Variants in UGT1A7 observed in about 807,000 individuals in gnomAD.
The protein encoded by UGT1A7 is UDP glucuronosyltransferase family 1 member A7.
A neutral mutation model predicts 45.6 loss-of-function variants in UGT1A7; 33 were observed. The observed-to-expected ratio is 0.72, with a 90% CI of 0.55 to 0.97. UGT1A7 has a LOEUF of 0.97. Ranked by LOEUF, UGT1A7 falls within the 50% of genes least tolerant of loss-of-function variation. The pLI is 0.00. For missense variants in UGT1A7, 684 were observed against 666.2 expected, an observed-to-expected ratio of 1.03 and a Z score of -0.29; for synonymous variants, 274 against 250.6, an observed-to-expected ratio of 1.09 and a Z score of -0.88.
intron 1 of UGT1A7, among the ~76,000 whole-genome samples, chr2:233,724,154 G>A (rs1327662182): frequency 4.4e-3 from 337 of 76,566 alleles, no homozygotes; most frequent in Admixed American, 6.4e-3. Context: ...CTGGCCGGGT[G>A]GGGGGGCTGA....
chr2:233,715,540 GGGA>G, intron 1 of UGT1A7, among the ~76,000 whole-genome samples: 1 of 152,104 alleles, frequency 6.6e-6, no homozygotes. Flanking sequence ...GGGAGACCGA[GGGA>G]GGAGGATTGC....
intron 1 of UGT1A7, chr2:233,692,731 C>A: frequency 1.1e-6 from 1 of 943,774 alleles, no homozygotes; most frequent in Non-Finnish European, 1.4e-6. Context: ...TATAACTTTT[C>A]AGAGAGGGAG....
At position 233,769,881 on chromosome 2, in the gene UGT1A7, G is replaced by A. The variant is rs1425583978; in HGVS notation, c.1295+1442G>A. The A allele has an allele frequency of 1.5e-5, 6 of 409,146 alleles. No homozygotes were observed. The highest frequency in any genetic ancestry group is 2.0e-5 in the African/African-American group (1 of 48,904). 25.3% of individuals were successfully genotyped at this position (409,146 alleles called of 1,614,324 possible). Reference sequence around the variant, plus strand: ...TCAAAAAAAAAAAAAAAAATGAAAAGTCCACATAACCTGAGCATCATGTGC... The same window carrying A: ...TCAAAAAAAAAAAAAAAAATGAAAAATCCACATAACCTGAGCATCATGTGC... On this transcript the variant is annotated intron_variant, in intron 4 of 4. Coordinates refer to ENST00000373426, the MANE Select transcript of UGT1A7 (RefSeq NM_019077.3). This position sits in a 1 kb window ranked among gnomAD's most constrained non-coding sequence, Gnocchi z 4.4.
chr2:233,738,227 A>G (rs1250315362), intron 1 of UGT1A7, among the ~76,000 whole-genome samples: 1 of 151,870 alleles, frequency 6.6e-6, no homozygotes, highest in African/African-American at 2.4e-5. Context: ...AAGTTTCCTG[A>G]GGCCCCTCCA....
At position 233,713,558 on chromosome 2, in the gene UGT1A7, C is replaced by T. The variant is rs17863789; in HGVS notation, c.855+30766C>T. 1.1e-4 allele frequency: 181 copies of T among 1,613,960 alleles called. 2 individuals carry two copies. The Admixed American group carries it at 2.1e-3, about 19-fold the overall frequency. On this transcript the variant is annotated intron_variant, in intron 1 of 4. Transcript: ENST00000373426. ...ACTTTAAGGGCACACAGTGTCCAAA[C>T]CCTTCCTCCTATATTCCTAGATTAC...
chr2:233,764,097 A>C (rs535493986), intron 1 of UGT1A7, among the ~76,000 whole-genome samples: 6 of 152,334 alleles, frequency 3.9e-5, no homozygotes, highest in African/African-American at 1.4e-4. Flanking sequence ...CTAAACTAAA[A>C]ATACAAAATT....
At chr2:233,697,876 C>T (rs533804115) in intron 1 of UGT1A7, among the ~76,000 whole-genome samples, 2 of 152,156 alleles carry the variant, frequency 1.3e-5, no homozygotes, top group South Asian at 4.1e-4. Flanking sequence ...TTAATGATTT[C>T]TTACCATTGA....
chr2:233,760,312 C>G (rs370790922), intron 1 of UGT1A7: 1 of 1,613,816 alleles, frequency 6.2e-7, no homozygotes, highest in East Asian at 2.2e-5. Context: ...CCAGGGCGGA[C>G]GCCCACTTGT....
chr2:233,730,153 G>T (rs1158500294), intron 1 of UGT1A7, among the ~76,000 whole-genome samples: 1 of 152,204 alleles, frequency 6.6e-6, no homozygotes, highest in East Asian at 1.9e-4. Flanking sequence ...CTGTTAAGGG[G>T]TCTCTAGTAG....
chr2:233,755,188 G>A (rs1436949079), intron 1 of UGT1A7: 2 of 1,163,192 alleles, frequency 1.7e-6, no homozygotes, highest in Admixed American at 1.9e-5. Flanking sequence ...TGCCACTTGA[G>A]CGCCAGCTTG....
At chr2:233,742,102 G>T (rs1682785139) in intron 1 of UGT1A7, 1 of 151,856 alleles carries the variant, frequency 6.6e-6, no homozygotes, top group South Asian at 2.1e-4. Context: ...AGGACCCACT[G>T]CCAAGACCAG....
At chr2:233,748,975 A>G (rs527445283) in intron 1 of UGT1A7, among the ~76,000 whole-genome samples, 1 of 151,758 alleles carries the variant, frequency 6.6e-6, no homozygotes, top group African/African-American at 2.4e-5. Context: ...AGTGGGATCT[A>G]CTTCTTTACC....
intron 1 of UGT1A7, among the ~76,000 whole-genome samples, chr2:233,738,158 C>T (rs1307511207): frequency 6.6e-6 from 1 of 152,194 alleles, no homozygotes; most frequent in Admixed American, 6.5e-5. Flanking sequence ...AGCTATTCCT[C>T]TTTCTCTCTT....
At chr2:233,729,691 A>G (rs761191770) in intron 1 of UGT1A7, 3 of 1,613,862 alleles carry the variant, frequency 1.9e-6, no homozygotes, top group South Asian at 1.1e-5. Context: ...ACAGTGTCCA[A>G]ACCCTTCCTC....
chr2:233,766,442 C>CT (rs982093013), intron 1 of UGT1A7, among the ~76,000 whole-genome samples: 2 of 152,206 alleles, frequency 1.3e-5, no homozygotes, highest in African/African-American at 4.8e-5. Flanking sequence ...ACCTGTGTGT[C>CT]TGCCTGCTAG....
chr2:233,699,619 T>C (rs1164168014), intron 1 of UGT1A7, among the ~76,000 whole-genome samples: 1 of 152,202 alleles, frequency 6.6e-6, no homozygotes, highest in African/African-American at 2.4e-5. Flanking sequence ...AGGAATAGAA[T>C]GCAAGCTCAG....
intron 4 of UGT1A7, 140 bp downstream of exon 4, chr2:233,768,579 C>CT: frequency 4.3e-6 from 4 of 934,844 alleles, no homozygotes; most frequent in Admixed American, 8.5e-5. Context: ...ATTTTTATTT[C>CT]TTCTTTTTTT....
rs201577813 is a variant in UGT1A7, at chr2:233,718,850, G to A, written c.855+36058G>A. On this transcript the variant is annotated intron_variant, in intron 1 of 4. Transcript: ENST00000373426. ...CCAGAGGACTCCAGGTTCCCCTGCC[G>A]CGGCTGGCCACAGGACTGCTGCTCC... The A allele has an allele frequency of 1.6e-4, 258 of 1,613,728 alleles. 1 individual carries two copies. In the East Asian group the frequency reaches 4.7e-3, roughly 30 times the overall value.
chr2:233,686,291 A>T (rs994683738), intron 1 of UGT1A7, among the ~76,000 whole-genome samples: 1 of 152,170 alleles, frequency 6.6e-6, no homozygotes, highest in South Asian at 2.1e-4. Context: ...AACTAAAACA[A>T]GAAAAACAAG....
Sources: allele counts gnomAD v4.1 joint callset (sites outside exome capture counted in the v4.1 genomes callset), GRCh38; gene constraint gnomAD v4.1.1; non-coding constraint Gnocchi (gnomAD v3.1); transcripts MANE v1.5; gene names NCBI Gene and HGNC (gene_info 2026-07-23, HGNC 2026-07-21).